The following SLC71A1 variants were observed in gnomAD, a reference collection of about 807,000 sequenced individuals.
SLC71A1 encodes hippocampus abundant gene transcript 1.
the SLC71A1 span, chr1:100,078,693 T>C: frequency 1.7e-6 from 1 of 581,306 alleles, no homozygotes; most frequent in Non-Finnish European, 3.1e-6. Flanking sequence ...AAAAGCAGAT[T>C]CTAGGGTATT....
the SLC71A1 span, chr1:100,057,989 A>G: frequency 6.6e-6 from 1 of 152,216 alleles, no homozygotes; most frequent in African/African-American, 2.4e-5. Flanking sequence ...AGGAGTACAT[A>G]TAGGCTGTAA....
At chr1:100,069,181 G>A in the SLC71A1 span, among the ~76,000 whole-genome samples, 3 of 152,090 alleles carry the variant, frequency 2.0e-5, no homozygotes, top group South Asian at 6.2e-4. Context: ...GAATTGATGG[G>A]ATGATTTAAC....
At chr1:100,082,766 G>A in the SLC71A1 span, 1 of 152,438 alleles carries the variant, frequency 6.6e-6, no homozygotes, top group South Asian at 2.1e-4. Flanking sequence ...TCTGAATCAT[G>A]TTTTGAGCTT....
chr1:100,043,083 G>A, the SLC71A1 span: 1 of 984,064 alleles, frequency 1.0e-6, no homozygotes, highest in African/African-American at 1.8e-5. Context: ...ATGGCTATAT[G>A]CATCCAGTTC....
chr1:100,038,694 G>T, the SLC71A1 span, among the ~76,000 whole-genome samples: 3 of 152,088 alleles, frequency 2.0e-5, no homozygotes, highest in Non-Finnish European at 4.4e-5. Context: ...TCGCCGCCAG[G>T]CCCCGCGGAG....
the SLC71A1 span, among the ~76,000 whole-genome samples, chr1:100,067,691 T>C: frequency 6.6e-6 from 1 of 152,080 alleles, no homozygotes; most frequent in East Asian, 1.9e-4. Context: ...TGTGTGCCTG[T>C]AGCCCCATCA....
the SLC71A1 span, among the ~76,000 whole-genome samples, chr1:100,045,481 C>G: frequency 6.6e-6 from 1 of 151,964 alleles, no homozygotes; most frequent in Non-Finnish European, 1.5e-5. Flanking sequence ...TTTGCATGCT[C>G]GTTATTCCTT....
At chr1:100,046,518 GC>G in the SLC71A1 span, among the ~76,000 whole-genome samples, 4 of 152,126 alleles carry the variant, frequency 2.6e-5, no homozygotes, top group Admixed American at 6.6e-5. Context: ...GAGTCACTGT[GC>G]CCAGCCTCCA....
the SLC71A1 span, among the ~76,000 whole-genome samples, chr1:100,058,959 T>C: frequency 7.2e-5 from 11 of 152,146 alleles, no homozygotes; most frequent in African/African-American, 2.4e-4. Context: ...TGCATAATAA[T>C]AAACCACATC....
chr1:100,080,160 A>C, the SLC71A1 span: 1 of 171,872 alleles, frequency 5.8e-6, no homozygotes, highest in East Asian at 1.5e-4. Context: ...GGACAGATAA[A>C]TTTTAACATT....
At chr1:100,054,211 TTTTTTTTTATTA>T in the SLC71A1 span, among the ~76,000 whole-genome samples, 1 of 151,792 alleles carries the variant, frequency 6.6e-6, no homozygotes, top group Non-Finnish European at 1.5e-5. Context: ...CCAGCTAATT[TTTTTTTTTATTA>T]TTTTTTTTGA....
At chr1:100,082,443 C>G in the SLC71A1 span, 3 of 520,176 alleles carry the variant, frequency 5.8e-6, no homozygotes, top group Admixed American at 3.3e-5. Flanking sequence ...TTTCTTGCCA[C>G]TAAGCTATTT....
At chr1:100,045,578 C>A in the SLC71A1 span, among the ~76,000 whole-genome samples, 1 of 152,086 alleles carries the variant, frequency 6.6e-6, no homozygotes, top group Admixed American at 6.5e-5. Context: ...TCAGGTACAT[C>A]TGATATTTTG....
At chr1:100,074,209 G>A in the SLC71A1 span, among the ~76,000 whole-genome samples, 4 of 152,238 alleles carry the variant, frequency 2.6e-5, no homozygotes, top group East Asian at 3.9e-4. Flanking sequence ...CACATAGGAC[G>A]TTACCCCAGG....
At chr1:100,046,149 G>A in the SLC71A1 span, among the ~76,000 whole-genome samples, 3 of 131,358 alleles carry the variant, frequency 2.3e-5, no homozygotes. Flanking sequence ...GTATTATGCT[G>A]TTTTGGTTAC....
chr1:100,055,916 C>T, the SLC71A1 span, among the ~76,000 whole-genome samples: 1 of 152,094 alleles, frequency 6.6e-6, no homozygotes, highest in East Asian at 1.9e-4. Context: ...CCATACCCAG[C>T]TAATTTTTGT....
the SLC71A1 span, among the ~76,000 whole-genome samples, chr1:100,040,427 C>T: frequency 1.3e-5 from 2 of 152,130 alleles, no homozygotes; most frequent in Admixed American, 1.3e-4. Context: ...TACCTCTCTA[C>T]TTACAATAGT....
the SLC71A1 span, chr1:100,038,250 G>A: frequency 2.6e-6 from 4 of 1,559,438 alleles, no homozygotes; most frequent in Non-Finnish European, 3.5e-6. Context: ...AGGGGAAGAA[G>A]AAGAAACGGG....
At chr1:100,044,054 T>G in the SLC71A1 span, among the ~76,000 whole-genome samples, 1 of 152,232 alleles carries the variant, frequency 6.6e-6, no homozygotes, top group African/African-American at 2.4e-5. Flanking sequence ...CTTCTTTTAC[T>G]TTGGGTGGGT....
Sources: allele counts gnomAD v4.1 joint callset (sites outside exome capture counted in the v4.1 genomes callset), GRCh38; gene constraint gnomAD v4.1.1; transcripts MANE v1.5; gene names NCBI Gene and HGNC (gene_info 2026-07-23, HGNC 2026-07-21).